PPA2: variants seen among roughly 807,000 people sequenced by gnomAD.
The protein encoded by PPA2 is inorganic pyrophosphatase 2.
A neutral mutation model predicts 49.5 loss-of-function variants in PPA2; 48 were observed. The ratio of observed to expected loss-of-function variants is 0.97; its 90% CI spans 0.77 to 1.23. The LOEUF (loss-of-function observed/expected upper bound fraction) is 1.23. Among genes scored for constraint, PPA2 ranks in the 50% most tolerant of loss-of-function variants. The pLI, the probability that PPA2 is intolerant of heterozygous loss-of-function variation, is 0.00. For synonymous variants in PPA2, 131 were observed against 139.9 expected (o/e 0.94, Z 0.45); for missense variants, 429 against 410.1 (o/e 1.05, Z -0.40).
chr4:105,415,030 G>A (rs1425843997), intron 7 of PPA2, among the ~76,000 whole-genome samples: 3 of 152,100 alleles, frequency 2.0e-5, no homozygotes, highest in African/African-American at 7.2e-5. Context: ...CCGTCCTCCC[G>A]AGTCTGGTTA....
At chr4:105,469,815 A>C (rs1723449099) in intron 1 of PPA2, among the ~76,000 whole-genome samples, 1 of 152,238 alleles carries the variant, frequency 6.6e-6, no homozygotes, top group African/African-American at 2.4e-5. Context: ...CAACTTTAAA[A>C]AGTTACAGAA....
At chr4:105,419,617 T>C (rs1240554507) in intron 7 of PPA2, among the ~76,000 whole-genome samples, 1 of 152,216 alleles carries the variant, frequency 6.6e-6, no homozygotes, top group Non-Finnish European at 1.5e-5. Context: ...AAAAATGTTA[T>C]CTGATGCAAT....
At chr4:105,411,398 C>G (rs1722751374) in intron 7 of PPA2, among the ~76,000 whole-genome samples, 1 of 152,136 alleles carries the variant, frequency 6.6e-6, no homozygotes, top group African/African-American at 2.4e-5. Context: ...CAGGAGCACC[C>G]AGATTCATAA....
At chr4:105,447,153 A>T (rs532112461) in intron 4 of PPA2, among the ~76,000 whole-genome samples, 5 of 152,318 alleles carry the variant, frequency 3.3e-5, no homozygotes, top group African/African-American at 1.2e-4. Flanking sequence ...GTCCATCAAC[A>T]GATTAATGGA....
At chr4:105,397,847 G>A (rs778364499) in intron 8 of PPA2, among the ~76,000 whole-genome samples, 78 of 152,308 alleles carry the variant, frequency 5.1e-4, no homozygotes, top group Middle Eastern at 3.4e-3. Context: ...GTTCTTACCA[G>A]AAGCAGATGC....
chr4:105,448,845 C>T (rs570702320), intron 4 of PPA2, among the ~76,000 whole-genome samples: 2 of 151,960 alleles, frequency 1.3e-5, no homozygotes, highest in African/African-American at 4.8e-5. Flanking sequence ...AACAAACTGA[C>T]AGGCAAAATT....
intron 1 of PPA2, among the ~76,000 whole-genome samples, chr4:105,460,858 C>CATATAT (rs746079683): frequency 6.9e-6 from 1 of 144,938 alleles, no homozygotes; most frequent in African/African-American, 2.8e-5. Context: ...TGTAAGATCA[C>CATATAT]ATATATATAT....
chr4:105,424,583 G>A (rs1386559864), intron 6 of PPA2, among the ~76,000 whole-genome samples: 1 of 152,086 alleles, frequency 6.6e-6, no homozygotes, highest in Non-Finnish European at 1.5e-5. Flanking sequence ...CTAAAAAACT[G>A]GACAAAATAT....
chr4:105,425,982 T>C (rs1723488200), intron 6 of PPA2, among the ~76,000 whole-genome samples: 1 of 152,032 alleles, frequency 6.6e-6, no homozygotes, highest in Admixed American at 6.5e-5. Context: ...TTAAAAACGC[T>C]ACCAACCTAG....
intron 1 of PPA2, among the ~76,000 whole-genome samples, chr4:105,470,363 G>A (rs911585207): frequency 2.0e-5 from 3 of 152,198 alleles, no homozygotes; most frequent in African/African-American, 7.2e-5. Context: ...GTGCATGCCT[G>A]TAGTCCCAGC....
chr4:105,370,922 T>C (rs1013423439), intron 10 of PPA2, 49 bp from the exon 11 acceptor site: 9 of 1,414,700 alleles, frequency 6.4e-6, no homozygotes, highest in South Asian at 2.9e-5. Context: ...AATATTTATA[T>C]GTGGAAAGCG....
intron 10 of PPA2, among the ~76,000 whole-genome samples, chr4:105,380,376 T>C (rs547036375): frequency 1.3e-5 from 2 of 152,120 alleles, no homozygotes; most frequent in South Asian, 2.1e-4. Flanking sequence ...AAATGTGTCT[T>C]CTTTTCTTTC....
At chr4:105,431,462 G>T (rs1723795101) in intron 6 of PPA2, among the ~76,000 whole-genome samples, 1 of 152,170 alleles carries the variant, frequency 6.6e-6, no homozygotes, top group Admixed American at 6.5e-5. Context: ...TATTGGTGAG[G>T]ATCTGGAGAA....
At chr4:105,434,385 G>A (rs193207292) in intron 6 of PPA2, among the ~76,000 whole-genome samples, 13 of 152,162 alleles carry the variant, frequency 8.5e-5, no homozygotes, top group Non-Finnish European at 1.9e-4. Flanking sequence ...TACACTAAAT[G>A]AGAGTTTCTC....
chr4:105,370,173 TTTCC>T (rs1732966145), intron 11 of PPA2, among the ~76,000 whole-genome samples: 1 of 152,218 alleles, frequency 6.6e-6, no homozygotes. Flanking sequence ...TACAGTTTGC[TTTCC>T]CATGAAATCA....
At chr4:105,456,363 A>C (rs933265073) in intron 2 of PPA2, 2 of 434,696 alleles carry the variant, frequency 4.6e-6, no homozygotes, top group African/African-American at 4.1e-5. Flanking sequence ...CAAATAAAAA[A>C]TAATCCACAA....
chr4:105,407,514 T>C (rs898086334), intron 7 of PPA2, among the ~76,000 whole-genome samples: 1 of 119,620 alleles, frequency 8.4e-6, no homozygotes, highest in Non-Finnish European at 1.8e-5. Flanking sequence ...AATGAAAACA[T>C]GTTCACATGA....
chr4:105,417,824 G>A (rs1405052740), intron 7 of PPA2, among the ~76,000 whole-genome samples: 1 of 152,018 alleles, frequency 6.6e-6, no homozygotes, highest in African/African-American at 2.4e-5. Context: ...CTTAGAAAGC[G>A]ACAAGGTCCA....
At chr4:105,432,565 G>C (rs1175681098) in intron 6 of PPA2, among the ~76,000 whole-genome samples, 1 of 152,124 alleles carries the variant, frequency 6.6e-6, no homozygotes, top group Non-Finnish European at 1.5e-5. Context: ...TAAATATGTG[G>C]ATCAATTCTC....
Sources: allele counts gnomAD v4.1 joint callset (sites outside exome capture counted in the v4.1 genomes callset), GRCh38; gene constraint gnomAD v4.1.1; transcripts MANE v1.5; gene names NCBI Gene and HGNC (gene_info 2026-07-23, HGNC 2026-07-21).